Variants in CHD6 observed in about 807,000 individuals in gnomAD.
CHD6 encodes ATP-dependent chromatin remodeler CHD6.
A neutral mutation model predicts 276.9 loss-of-function variants in CHD6; 50 were observed. The ratio of observed to expected loss-of-function variants is 0.18; its 90% CI spans 0.14 to 0.23. The LOEUF (loss-of-function observed/expected upper bound fraction) is 0.23, where lower values mean the gene tolerates loss of function less well. Among genes scored for constraint, CHD6 ranks in the 10% least tolerant of loss-of-function variants. CHD6 has a pLI of 1.00. For missense variants in CHD6, 2,564 were observed against 3,365.8 expected (o/e 0.76, Z 5.89); for synonymous variants, 1,173 against 1,229.3 (o/e 0.95, Z 0.96).
chr20:41,578,103 T>C (rs1601160437), intron 1 of CHD6, among the ~76,000 whole-genome samples: 1 of 152,322 alleles, frequency 6.6e-6, no homozygotes, highest in South Asian at 2.1e-4. Flanking sequence ...CCATGATTCA[T>C]ACTCCTCAAC....
intron 23 of CHD6, among the ~76,000 whole-genome samples, chr20:41,448,567 T>C (rs1035235698): frequency 6.6e-6 from 1 of 152,218 alleles, no homozygotes; most frequent in Non-Finnish European, 1.5e-5. Context: ...CCGGGTGCTA[T>C]AGGTATATAA....
intron 2 of CHD6, among the ~76,000 whole-genome samples, chr20:41,543,859 CA>C (rs1479287473): frequency 4.6e-5 from 7 of 152,168 alleles, no homozygotes; most frequent in African/African-American, 1.7e-4. Context: ...CAAACCATAT[CA>C]AAATGAAAAA....
chr20:41,439,173 T>C (rs1056110119), intron 26 of CHD6, among the ~76,000 whole-genome samples: 1 of 152,100 alleles, frequency 6.6e-6, no homozygotes, highest in African/African-American at 2.4e-5. Flanking sequence ...CTGGCCAACA[T>C]GGTGAAACCC....
chr20:41,457,059 G>A (rs1373291029), intron 18 of CHD6, among the ~76,000 whole-genome samples: 1 of 152,148 alleles, frequency 6.6e-6, no homozygotes, highest in African/African-American at 2.4e-5. Context: ...CCTCATAACT[G>A]CTTCTACGGA....
intron 17 of CHD6, chr20:41,459,455 T>G (rs1263163658): frequency 1.3e-5 from 2 of 152,382 alleles, no homozygotes; most frequent in Admixed American, 1.3e-4. Flanking sequence ...CATATTTCTG[T>G]GATACGATTT....
intron 26 of CHD6, among the ~76,000 whole-genome samples, chr20:41,438,365 G>A (rs1232695395): frequency 2.6e-5 from 4 of 152,060 alleles, no homozygotes; most frequent in Admixed American, 6.5e-5. Context: ...TGAGGTGGGC[G>A]GATCACCTGA....
intron 1 of CHD6, among the ~76,000 whole-genome samples, chr20:41,571,032 T>TGA (rs1468402663): frequency 6.6e-6 from 1 of 152,106 alleles, no homozygotes; most frequent in Non-Finnish European, 1.5e-5. Context: ...GAGTCTCTCC[T>TGA]ATCACCACCA....
At chr20:41,466,944 T>C (rs539792702) in intron 17 of CHD6, among the ~76,000 whole-genome samples, 2 of 152,282 alleles carry the variant, frequency 1.3e-5, no homozygotes, top group South Asian at 4.2e-4. Flanking sequence ...AAAACCAACA[T>C]GCCTGCTTTC....
chr20:41,565,586 T>C lies in CHD6; in HGVS notation c.-23-14226A>G, dbSNP rs528777768. On this transcript the variant is annotated intron_variant, in intron 1 of 36. Coordinates refer to ENST00000373233, the MANE Select transcript of CHD6 (RefSeq NM_032221.5). ...CTCAGGCAATGTAATCCTTTTATCT[T>C]AAGATAATGAAACTTAGGGTTAGAG... Among the ~76,000 whole-genome samples, 21 of 152,334 alleles carry C rather than the reference T, an allele frequency of 1.4e-4. No homozygotes were observed. In the East Asian group the frequency reaches 2.7e-3, roughly 20 times the overall value.
At chr20:41,406,112 G>A (rs1354524322) in intron 36 of CHD6, among the ~76,000 whole-genome samples, 1 of 152,150 alleles carries the variant, frequency 6.6e-6, no homozygotes, top group Non-Finnish European at 1.5e-5. Flanking sequence ...GCTTGCTAAT[G>A]GCACATTACT....
chr20:41,534,733 C>T (rs1325764053), intron 2 of CHD6, among the ~76,000 whole-genome samples: 1 of 151,986 alleles, frequency 6.6e-6, no homozygotes, highest in Non-Finnish European at 1.5e-5. Flanking sequence ...GATCTCATTG[C>T]TGATTGAGCA....
chr20:41,587,950 G>C (rs371367138), intron 1 of CHD6, among the ~76,000 whole-genome samples: 216 of 152,246 alleles, frequency 1.4e-3, no homozygotes, highest in African/African-American at 4.9e-3. Context: ...ATGAAATTCA[G>C]AGACCCTGGA....
intron 15 of CHD6, among the ~76,000 whole-genome samples, chr20:41,483,994 T>C (rs916800086): frequency 3.3e-5 from 5 of 152,234 alleles, no homozygotes; most frequent in Non-Finnish European, 7.3e-5. Context: ...GCACTTTCAC[T>C]GATTCAACTA....
intron 31 of CHD6, among the ~76,000 whole-genome samples, chr20:41,417,697 G>A (rs560988288): frequency 6.6e-6 from 1 of 152,316 alleles, no homozygotes; most frequent in East Asian, 1.9e-4. Context: ...TCAAGGGAAA[G>A]CTGAACATTC....
At chr20:41,601,210 T>C (rs538100176) in intron 1 of CHD6, among the ~76,000 whole-genome samples, 1 of 152,340 alleles carries the variant, frequency 6.6e-6, no homozygotes, top group South Asian at 2.1e-4. Context: ...TTTGGTTCAC[T>C]TCAATTTAAA....
In CHD6 at chr20:41,451,429, A is replaced by C. The variant is rs569475015; in HGVS notation, c.3524-324T>G. Among the ~76,000 whole-genome samples, 158 of 152,344 alleles carry C rather than the reference A, an allele frequency of 1.0e-3. 2 individuals are homozygous for C. Among genetic ancestry groups the C allele is most frequent in the Non-Finnish European group, 4.0e-4 (27 of 68,020 alleles). On this transcript the variant is annotated intron_variant, in intron 22 of 36. Transcript: ENST00000373233. ...TGGGAGAAAAGGAACATTTGACCTA[A>C]AACTTCAAGGGGAGCCTTAGCCAAG... is the stretch of plus-strand genomic sequence containing the variant.
At position 41,452,701 on chromosome 20, in the gene CHD6, AC is replaced by A. The variant is rs1728463508; in HGVS notation, c.3323+38del. On this transcript the variant is annotated intron_variant, in intron 21 of 36. Coordinates refer to ENST00000373233, the MANE Select transcript of CHD6 (RefSeq NM_032221.5). The surrounding 1 kb of genome is among the most constrained non-coding windows in gnomAD (Gnocchi z 4.2). ...GGGACTGAAAAACAGAGGGGAACAA[AC>A]AACAATAACAACAAAACTAAGCAGA... 1.3e-6 allele frequency: 2 copies of A among 1,571,074 alleles called. No homozygotes were observed. The highest frequency in any genetic ancestry group is 1.7e-6 in the Non-Finnish European group (2 of 1,147,824).
At chr20:41,468,039 A>T (rs2042967444) in intron 17 of CHD6, among the ~76,000 whole-genome samples, 1 of 151,642 alleles carries the variant, frequency 6.6e-6, no homozygotes, top group African/African-American at 2.4e-5. Context: ...TTTCTGCTCA[A>T]ATGTCATCTT....
chr20:41,617,195 G>C (rs1233948434), intron 1 of CHD6, among the ~76,000 whole-genome samples: 1 of 152,148 alleles, frequency 6.6e-6, no homozygotes. Flanking sequence ...CACAGCCCCA[G>C]AGAGATGCTC....
Sources: allele counts gnomAD v4.1 joint callset (sites outside exome capture counted in the v4.1 genomes callset), GRCh38; gene constraint gnomAD v4.1.1; non-coding constraint Gnocchi (gnomAD v3.1); transcripts MANE v1.5; gene names NCBI Gene and HGNC (gene_info 2026-07-23, HGNC 2026-07-21).